MYO1H: variants seen among roughly 807,000 people sequenced by gnomAD.
MYO1H encodes the protein unconventional myosin-Ih.
In MYO1H, 118 loss-of-function variants were observed where a neutral mutation model predicts 149.3. The observed-to-expected ratio is 0.79, with a 90% confidence interval of 0.68 to 0.92. MYO1H has a LOEUF of 0.92. MYO1H is among the 40% of genes least tolerant of loss of function. The pLI, the probability that MYO1H is intolerant of heterozygous loss-of-function variation, is 0.00. For missense variants in MYO1H, 1,212 were observed against 1,280.7 expected, an observed-to-expected ratio of 0.95 and a Z score of 0.82; for synonymous variants, 447 against 465.2, an observed-to-expected ratio of 0.96 and a Z score of 0.50.
At chr12:109,417,940 C>T (rs7978201) in intron 15 of MYO1H, among the ~76,000 whole-genome samples, 39,931 of 151,588 alleles carry the variant, frequency 0.26, 5,429 homozygotes, top group East Asian at 0.35. Context: ...CTCAGCCTCC[C>T]GAGTAGCTGG....
chr12:109,414,369 C>T (rs939685671), intron 14 of MYO1H, among the ~76,000 whole-genome samples: 1 of 150,412 alleles, frequency 6.6e-6, no homozygotes, highest in Non-Finnish European at 1.5e-5. Context: ...CCCAGCTACT[C>T]AGGAGGCTGA....
At chr12:109,432,757 G>T (rs962006277) in intron 19 of MYO1H, 140 bp from the exon 20 acceptor site, 1 of 647,598 alleles carries the variant, frequency 1.5e-6, no homozygotes, top group Non-Finnish European at 2.8e-6. Context: ...ATTCGAGAAA[G>T]TTCGTGTAAT....
At chr12:109,413,686 G>C (rs529759843) in intron 14 of MYO1H, among the ~76,000 whole-genome samples, 1 of 152,150 alleles carries the variant, frequency 6.6e-6, no homozygotes, top group Non-Finnish European at 1.5e-5. Context: ...GAGGCAGCTG[G>C]ATCACCTGAG....
At chr12:109,420,269 C>T (rs73194230) in intron 15 of MYO1H, among the ~76,000 whole-genome samples, 8,004 of 152,240 alleles carry the variant, frequency 0.053, 300 homozygotes, top group Middle Eastern at 0.085. Flanking sequence ...GTTCTGAGGA[C>T]CTGGTTCTCA....
At chr12:109,353,350 C>T (rs148520195) in intron 1 of MYO1H, among the ~76,000 whole-genome samples, 17,341 of 137,016 alleles carry the variant, frequency 0.13, 1,165 homozygotes, top group Middle Eastern at 0.21. Flanking sequence ...GCCGATATTG[C>T]GCCATTGCAC....
At chr12:109,447,323 G>A (rs1872526769) in exon 32 of MYO1H, 1 of 788,602 alleles carries the variant, frequency 1.3e-6, no homozygotes, top group African/African-American at 1.7e-5. Flanking sequence ...TGAAGAAACT[G>A]AGGGGCGTTA....
chr12:109,369,845 G>A (rs1868945199), intron 1 of MYO1H, among the ~76,000 whole-genome samples: 1 of 152,104 alleles, frequency 6.6e-6, no homozygotes, highest in Non-Finnish European at 1.5e-5. Flanking sequence ...TACCTCAGTT[G>A]GGGTAATTTA....
Position 109,365,558 on chromosome 12 carries a change from A to G in MYO1H, c.12+17586A>G, listed in dbSNP as rs143095030. Among the ~76,000 whole-genome samples, 2 of 152,296 alleles carry G rather than the reference A, an allele frequency of 1.3e-5. 1 individual carries two copies. Among genetic ancestry groups the G allele is most frequent in the Non-Finnish European group, 2.9e-5 (2 of 68,016 alleles). On this transcript the variant is annotated intron_variant, in intron 1 of 31. Coordinates refer to ENST00000310903, the Ensembl canonical transcript of MYO1H. Reference sequence around the variant, plus strand: ...GCTTGGTTGGAGGCTGGTTGGGAGCACAGGCTCTGGAGTTCAGCTGTTGAT... The same window carrying G: ...GCTTGGTTGGAGGCTGGTTGGGAGCGCAGGCTCTGGAGTTCAGCTGTTGAT...
chr12:109,425,276 A>G (rs1388401833), intron 17 of MYO1H, among the ~76,000 whole-genome samples: 1 of 152,150 alleles, frequency 6.6e-6, no homozygotes, highest in Non-Finnish European at 1.5e-5. Flanking sequence ...TGAAGTTACA[A>G]TGAGCCATGA....
intron 12 of MYO1H, 46 bp downstream of exon 12, chr12:109,410,114 T>A: frequency 1.1e-6 from 1 of 931,234 alleles, no homozygotes; most frequent in Non-Finnish European, 1.5e-6. Context: ...TTCATCTAGC[T>A]AAAGACTTCT....
intron 1 of MYO1H, among the ~76,000 whole-genome samples, chr12:109,350,394 G>T (rs937067310): frequency 2.0e-5 from 3 of 152,160 alleles, no homozygotes; most frequent in African/African-American, 7.2e-5. Context: ...CCCCCATACT[G>T]TTCTCATGGT....
the MYO1H span, among the ~76,000 whole-genome samples, chr12:109,322,681 G>T: frequency 6.6e-6 from 1 of 152,020 alleles, no homozygotes; most frequent in Admixed American, 6.5e-5. Context: ...TTAGCTGGGT[G>T]TGGTGGCAGG....
At chr12:109,427,899 A>ATATATATATATATATATATATAT (rs1566038875) in intron 19 of MYO1H, among the ~76,000 whole-genome samples, 3 of 51,422 alleles carry the variant, frequency 5.8e-5, no homozygotes, top group African/African-American at 2.3e-4. Flanking sequence ...AAAAAAAAAA[A>ATATATATATATATATATATATAT]AAAAAAAAAA....
At chr12:109,342,126 CT>C in the MYO1H span, among the ~76,000 whole-genome samples, 227 of 126,028 alleles carry the variant, frequency 1.8e-3, no homozygotes, top group Middle Eastern at 9.3e-3. Flanking sequence ...AAATTTGATT[CT>C]TTTTTTTTTT....
chr12:109,424,675 T>C (rs1871291953), intron 16 of MYO1H, 73 bp from the exon 17 acceptor site: 1 of 1,193,280 alleles, frequency 8.4e-7, no homozygotes, highest in Non-Finnish European at 1.2e-6. Flanking sequence ...ATGCACACTC[T>C]GTGAGCCGTC....
intron 8 of MYO1H, among the ~76,000 whole-genome samples, chr12:109,406,265 G>A (rs1357899847): frequency 2.6e-5 from 4 of 151,566 alleles, no homozygotes; most frequent in Admixed American, 1.3e-4. Flanking sequence ...GATCAGTCTG[G>A]GCAGATAACC....
At chr12:109,343,642 A>G (rs1029553962), upstream of MYO1H, among the ~76,000 whole-genome samples, 5 of 152,242 alleles carry the variant, frequency 3.3e-5, no homozygotes, top group Admixed American at 6.5e-5. Flanking sequence ...AGAGTAAGGA[A>G]AAAATTCAAA....
chr12:109,363,173 A>T (rs12822899), intron 1 of MYO1H, among the ~76,000 whole-genome samples: 1 of 152,088 alleles, frequency 6.6e-6, no homozygotes, highest in South Asian at 2.1e-4. Context: ...AAAAAATTAC[A>T]TGCTAGTTAA....
intron 14 of MYO1H, among the ~76,000 whole-genome samples, chr12:109,414,622 GTTAA>G (rs1870824949): frequency 6.6e-6 from 1 of 152,014 alleles, no homozygotes; most frequent in Non-Finnish European, 1.5e-5. Context: ...AAAAACAAAA[GTTAA>G]TTTATTATGC....
Sources: allele counts gnomAD v4.1 joint callset (sites outside exome capture counted in the v4.1 genomes callset), GRCh38; gene constraint gnomAD v4.1.1; transcripts MANE v1.5; gene names NCBI Gene and HGNC (gene_info 2026-07-23, HGNC 2026-07-21).